Variants in SPECC1 observed in about 807,000 individuals in gnomAD.
The protein encoded by SPECC1 is sperm antigen with calponin homology and coiled-coil domains 1.
In SPECC1, 62 loss-of-function variants were observed where a neutral mutation model predicts 104.1. That is an observed-to-expected ratio of 0.60 (90% CI 0.49 to 0.74). The LOEUF (loss-of-function observed/expected upper bound fraction) is 0.74. Ranked by LOEUF, SPECC1 falls within the 30% of genes least tolerant of loss-of-function variation. The pLI is 0.00. For synonymous variants in SPECC1, 513 were observed against 501.6 expected (o/e 1.02, Z -0.30); for missense variants, 1,306 against 1,310.5 (o/e 1.00, Z 0.05).
chr17:20,099,473 G>C (rs953431054), intron 2 of SPECC1, among the ~76,000 whole-genome samples: 4 of 120,008 alleles, frequency 3.3e-5, no homozygotes, highest in African/African-American at 1.3e-4. Context: ...AGGAGTTCAA[G>C]ACCAGCCTGA....
chr17:20,257,844 T>C (rs1461874118), intron 11 of SPECC1, among the ~76,000 whole-genome samples: 1 of 151,680 alleles, frequency 6.6e-6, no homozygotes, highest in Non-Finnish European at 1.5e-5. Flanking sequence ...TCTTGAGAGG[T>C]TGTTAGTTGG....
rs185190373 is a variant in SPECC1 at position 20,167,543 on chromosome 17, T to G, written c.284-36790T>G. ...AAAACACAAAATTAGACGGGCATAG[T>G]GGTGCATGCCTGTAATCCCAATTAC... On this transcript the variant is annotated intron_variant, in intron 3 of 14. Transcript: ENST00000395527. 7.7e-3 allele frequency among the ~76,000 whole-genome samples: 1,174 copies of G among 152,146 alleles called. 17 individuals are homozygous for G. The highest frequency in any genetic ancestry group is 0.027 in the African/African-American group (1,118 of 41,470).
intron 14 of SPECC1, among the ~76,000 whole-genome samples, chr17:20,312,676 C>T (rs1224843834): frequency 6.6e-6 from 1 of 152,234 alleles, no homozygotes; most frequent in Non-Finnish European, 1.5e-5. Context: ...GTCATGACTA[C>T]AGCCAGTGTA....
chr17:20,129,129 C>T (rs1403828255), intron 3 of SPECC1, among the ~76,000 whole-genome samples: 1 of 151,752 alleles, frequency 6.6e-6, no homozygotes, highest in African/African-American at 2.4e-5. Flanking sequence ...TCCATCCTGG[C>T]CTCCCAAAGT....
intron 3 of SPECC1, among the ~76,000 whole-genome samples, chr17:20,138,318 G>A (rs1265450272): frequency 6.6e-6 from 1 of 152,026 alleles, no homozygotes; most frequent in Non-Finnish European, 1.5e-5. Flanking sequence ...CACATGTACA[G>A]CCTCTCCCAT....
chr17:20,043,411 A>C (rs1434033904), intron 1 of SPECC1, among the ~76,000 whole-genome samples: 3 of 152,204 alleles, frequency 2.0e-5, no homozygotes, highest in Non-Finnish European at 2.9e-5. Context: ...TAATTTTTCT[A>C]ATTCTCTCAT....
chr17:20,258,480 A>C (rs1024419663), intron 11 of SPECC1, among the ~76,000 whole-genome samples: 2 of 152,060 alleles, frequency 1.3e-5, no homozygotes, highest in Non-Finnish European at 2.9e-5. Context: ...TGTGTTGGTT[A>C]ATTTTCTGAT....
chr17:20,021,694 A>T lies in SPECC1; in HGVS notation c.-22+12270A>T, dbSNP rs1482269177. Among the ~76,000 whole-genome samples, 7 of 111,668 alleles carry T rather than the reference A, an allele frequency of 6.3e-5. No homozygotes were observed. In the East Asian group the frequency reaches 1.5e-3, roughly 24 times the overall value. 73.3% of individuals were successfully genotyped at this position (111,668 alleles called of 152,430 possible). ...ATATATAATATAATAATATATATAT[A>T]TATATATATTTTTTTGTACTTTTAG... On this transcript the variant is annotated intron_variant, in intron 1 of 14. Coordinates refer to ENST00000395527, the MANE Select transcript of SPECC1 (RefSeq NM_001243439.2).
At chr17:20,238,556 T>C in intron 7 of SPECC1, 1 of 1,042,378 alleles carries the variant, frequency 9.6e-7, no homozygotes, top group Non-Finnish European at 1.2e-6. Flanking sequence ...GGAAGATCTT[T>C]TGGGGTGTCA....
At chr17:20,299,399 AT>A in intron 13 of SPECC1, among the ~76,000 whole-genome samples, 1 of 151,308 alleles carries the variant, frequency 6.6e-6, no homozygotes, top group South Asian at 2.1e-4. Flanking sequence ...TACAAAAAAA[AT>A]TTTTTTTCAA....
intron 3 of SPECC1, among the ~76,000 whole-genome samples, chr17:20,131,089 C>G (rs1449385461): frequency 6.6e-6 from 1 of 152,182 alleles, no homozygotes; most frequent in Non-Finnish European, 1.5e-5. Context: ...TGCAACTTTG[C>G]TAAAGTCGCT....
intron 1 of SPECC1, among the ~76,000 whole-genome samples, chr17:20,020,521 A>G (rs966749221): frequency 1.3e-5 from 2 of 151,894 alleles, no homozygotes; most frequent in African/African-American, 2.4e-5. Context: ...TTTTGTAGAG[A>G]TGGGCTTTCA....
intron 12 of SPECC1, among the ~76,000 whole-genome samples, chr17:20,279,196 A>G (rs529139961): frequency 2.0e-5 from 3 of 152,032 alleles, no homozygotes; most frequent in Non-Finnish European, 4.4e-5. Context: ...TACTCGTGAA[A>G]TGTTCATTTG....
chr17:20,299,584 A>AG (rs1234626455), intron 13 of SPECC1, among the ~76,000 whole-genome samples: 1 of 150,388 alleles, frequency 6.6e-6, no homozygotes, highest in Non-Finnish European at 1.5e-5. Flanking sequence ...AAAAAAGAAA[A>AG]GAAAAAAAAC....
intron 3 of SPECC1, among the ~76,000 whole-genome samples, chr17:20,157,658 CTGAT>C (rs1185909073): frequency 6.6e-6 from 1 of 152,092 alleles, no homozygotes; most frequent in Non-Finnish European, 1.5e-5. Flanking sequence ...GCTTTTAAGA[CTGAT>C]TGGATGCCTG....
intron 12 of SPECC1, among the ~76,000 whole-genome samples, chr17:20,275,758 C>T (rs1222138630): frequency 6.6e-6 from 1 of 152,160 alleles, no homozygotes; most frequent in Non-Finnish European, 1.5e-5. Flanking sequence ...GCCTGAGCAG[C>T]CGAAGGCCCA....
At chr17:20,149,549 A>G (rs891077306) in intron 3 of SPECC1, among the ~76,000 whole-genome samples, 1 of 152,250 alleles carries the variant, frequency 6.6e-6, no homozygotes, top group Non-Finnish European at 1.5e-5. Flanking sequence ...GGAAGAATTA[A>G]GCACACCCTG....
At chr17:20,086,422 C>T (rs1380631035) in intron 1 of SPECC1, among the ~76,000 whole-genome samples, 1 of 152,200 alleles carries the variant, frequency 6.6e-6, no homozygotes, top group Non-Finnish European at 1.5e-5. Context: ...GGCCACAGCA[C>T]TCAGTGTGGT....
intron 3 of SPECC1, among the ~76,000 whole-genome samples, chr17:20,129,310 G>A (rs1028481580): frequency 6.6e-5 from 10 of 151,158 alleles, no homozygotes; most frequent in African/African-American, 1.2e-4. Context: ...TCAGCCTCCC[G>A]AGTAGCTGGG....
Sources: gnomAD v4.1 joint callset for allele counts (sites outside exome capture counted in the v4.1 genomes callset) on GRCh38, gnomAD v4.1.1 for gene constraint, MANE v1.5 for transcripts, NCBI Gene and HGNC (gene_info 2026-07-23, HGNC 2026-07-21) for gene names.